PCDHGA7: variants seen among roughly 807,000 people sequenced by gnomAD.
PCDHGA7 encodes protocadherin gamma-A7.
Under a neutral mutation model 58.3 loss-of-function variants are expected in PCDHGA7, and 44 were observed. The observed-to-expected ratio is 0.75, with a 90% confidence interval of 0.59 to 0.97. PCDHGA7 has a LOEUF of 0.97. Ranked by LOEUF, PCDHGA7 falls within the 50% of genes least tolerant of loss-of-function variation. The pLI, the probability that PCDHGA7 is intolerant of heterozygous loss-of-function variation, is 0.00. For missense variants in PCDHGA7, 1,266 were observed against 1,188.7 expected, an observed-to-expected ratio of 1.06 and a Z score of -0.96; for synonymous variants, 516 against 504.2, an observed-to-expected ratio of 1.02 and a Z score of -0.31.
intron 1 of PCDHGA7, chr5:141,478,289 G>A (rs1210628852): frequency 1.2e-6 from 2 of 1,614,146 alleles, no homozygotes; most frequent in African/African-American, 2.7e-5. Context: ...GCAGTCTAGA[G>A]ACCTATACCG....
chr5:141,383,744 G>A lies in PCDHGA7; in HGVS notation c.845G>A (p.Arg282Gln). 1.2e-6 allele frequency: 2 copies of A among 1,613,886 alleles called. No homozygotes were observed. Among genetic ancestry groups the A allele is most frequent in the South Asian group, 1.1e-5 (1 of 91,078 alleles). Residue 282 changes from arginine to glutamine, a missense_variant, in exon 1 of 4, where the codon CGG becomes CAG. Transcript: ENST00000518325. The part of the protein sequence containing the change: ...GVNGEVTYSF[R>Q]KITPKLPKMF... The stretch of plus-strand genomic sequence containing the variant: ...AATGGGGAAGTGACATATTCTTTTC[G>A]GAAAATAACTCCTAAACTTCCAAAG...
chr5:141,428,430 GA>G, intron 1 of PCDHGA7: 1 of 421,748 alleles, frequency 2.4e-6, no homozygotes. Flanking sequence ...TCTGTTCTAA[GA>G]CTAGACCAGG....
At chr5:141,454,557 C>T (rs191373514) in intron 1 of PCDHGA7, among the ~76,000 whole-genome samples, 8 of 152,160 alleles carry the variant, frequency 5.3e-5, no homozygotes, top group Admixed American at 5.2e-4. Flanking sequence ...CAGGCATGTG[C>T]CACCACGCCC....
intron 1 of PCDHGA7, chr5:141,421,287 C>T: frequency 1.2e-6 from 2 of 1,613,240 alleles, no homozygotes; most frequent in Non-Finnish European, 1.7e-6. Flanking sequence ...TGTGCATTTT[C>T]CTGGGGACGC....
intron 1 of PCDHGA7, chr5:141,403,713 A>G (rs2094445702): frequency 2.5e-6 from 4 of 1,613,946 alleles, no homozygotes; most frequent in Non-Finnish European, 2.5e-6. Flanking sequence ...GTCCTTGAGA[A>G]CGTGCCCCCA....
intron 1 of PCDHGA7, among the ~76,000 whole-genome samples, chr5:141,439,380 G>C (rs1324859898): frequency 6.6e-6 from 1 of 152,158 alleles, no homozygotes; most frequent in East Asian, 1.9e-4. Flanking sequence ...ATAAAAATAA[G>C]TCATCACTTC....
chr5:141,394,729 A>T (rs765609733), intron 1 of PCDHGA7: 44 of 1,613,302 alleles, frequency 2.7e-5, no homozygotes, highest in African/African-American at 4.0e-5. Flanking sequence ...GATGCGCTCA[A>T]GCAGAGCCTC....
intron 1 of PCDHGA7, among the ~76,000 whole-genome samples, chr5:141,459,949 G>T (rs1284876601): frequency 2.0e-5 from 3 of 152,124 alleles, no homozygotes; most frequent in Non-Finnish European, 4.4e-5. Context: ...GTGATGGCAG[G>T]TGCCTGTAAT....
intron 1 of PCDHGA7, among the ~76,000 whole-genome samples, chr5:141,456,736 G>A (rs1339661302): frequency 1.3e-5 from 2 of 151,924 alleles, no homozygotes; most frequent in Non-Finnish European, 2.9e-5. Context: ...AGGCTGAGGC[G>A]GGAGCATCAT....
intron 1 of PCDHGA7, chr5:141,426,776 C>G (rs1258505646): frequency 2.2e-6 from 1 of 456,584 alleles, no homozygotes; most frequent in Admixed American, 2.3e-5. Flanking sequence ...TAGGGCCTCA[C>G]TCTCTCCAGA....
At chr5:141,430,559 G>C in intron 1 of PCDHGA7, 1 of 418,772 alleles carries the variant, frequency 2.4e-6, no homozygotes. Flanking sequence ...CACCAATCGG[G>C]GAGAGAAAAG....
intron 1 of PCDHGA7, chr5:141,415,403 A>C (rs757508926): frequency 4.3e-6 from 7 of 1,614,082 alleles, no homozygotes; most frequent in Non-Finnish European, 4.2e-6. Context: ...TCCGGCTCGC[A>C]CTTTGTGGGC....
Position 141,511,151 on chromosome 5 carries a change from C to G in PCDHGA7, c.2777C>G (p.Ser926Trp). The change falls in exon 4 of 4, where the codon TCG becomes TGG. Residue 926 changes from serine (S) to tryptophan (W), a missense_variant. Transcript: ENST00000518325. ...PAGGNGNKKK[S>W]GKKEKK ...GGTGGCAATGGCAACAAGAAGAAGTCGGGCAAGAAGGAGAAGAAGTAACAT... is the reference window on the plus strand; with the variant it reads ...GGTGGCAATGGCAACAAGAAGAAGTGGGGCAAGAAGGAGAAGAAGTAACAT... The G allele has an allele frequency of 6.2e-7, 1 of 1,614,152 alleles. No individual in the cohort carries two copies. Among genetic ancestry groups the G allele is most frequent in the Non-Finnish European group, 8.5e-7 (1 of 1,179,994 alleles).
At chr5:141,388,811 A>C (rs375009380) in intron 1 of PCDHGA7, 21 of 1,613,866 alleles carry the variant, frequency 1.3e-5, no homozygotes, top group Non-Finnish European at 1.6e-5. Context: ...ATTTTGAAGA[A>C]GTCAAAGAAT....
At chr5:141,471,508 G>A (rs1262338812) in intron 1 of PCDHGA7, 3 of 152,216 alleles carry the variant, frequency 2.0e-5, no homozygotes, top group African/African-American at 7.2e-5. Context: ...AAGAGAGGGA[G>A]TAAAAATAAC....
chr5:141,418,862 G>C (rs749632113), intron 1 of PCDHGA7: 1 of 1,613,994 alleles, frequency 6.2e-7, no homozygotes, highest in Non-Finnish European at 8.5e-7. Context: ...TAAAGTAATT[G>C]TAGAAGTTGT....
rs374476072 is a variant in PCDHGA7, at chr5:141,419,103, C to T, written c.2424+33780C>T. 5 of 1,613,886 alleles carry T rather than the reference C, an allele frequency of 3.1e-6. 1 individual carries two copies. Among genetic ancestry groups the T allele is most frequent in the South Asian group, 1.1e-5 (1 of 91,088 alleles). On this transcript the variant is annotated intron_variant, in intron 1 of 3. Transcript: ENST00000518325. ...GATGAGGCCCTGGATCGGGAGCAGA[C>T]CCCAGAGTACAACGTCACCATCGCA... is the stretch of plus-strand genomic sequence containing the variant.
chr5:141,423,440 C>T lies in PCDHGA7; in HGVS notation c.2424+38117C>T, dbSNP rs768389351. 27 of 1,613,852 alleles carry T rather than the reference C, an allele frequency of 1.7e-5. No individual in the cohort carries two copies. In the East Asian group the frequency reaches 4.5e-4, roughly 27 times the overall value. ...GAAGGCGGGTTGGCAGGTATGCCCACGTCACATTTTGTAGGCGTGGACGGG... is the reference window on the plus strand; with the variant it reads ...GAAGGCGGGTTGGCAGGTATGCCCATGTCACATTTTGTAGGCGTGGACGGG... On this transcript the variant is annotated intron_variant, in intron 1 of 3. Coordinates refer to ENST00000518325, the MANE Select transcript of PCDHGA7 (RefSeq NM_018920.4).
At chr5:141,444,880 G>C (rs527554886) in intron 1 of PCDHGA7, among the ~76,000 whole-genome samples, 5 of 152,268 alleles carry the variant, frequency 3.3e-5, no homozygotes, top group Admixed American at 1.3e-4. Flanking sequence ...AAGCTTGTAG[G>C]ATTTTTGAAT....
Sources: gnomAD v4.1 joint callset for allele counts (sites outside exome capture counted in the v4.1 genomes callset) on GRCh38, gnomAD v4.1.1 for gene constraint, MANE v1.5 for transcripts, NCBI Gene and HGNC (gene_info 2026-07-23, HGNC 2026-07-21) for gene names.